The following TCAIM variants were observed in gnomAD, a reference collection of about 807,000 sequenced individuals.
The protein encoded by TCAIM is T cell activation inhibitor, mitochondrial.
TCAIM carries 36 observed loss-of-function variants against 58.6 expected under a neutral mutation model. That is an observed-to-expected ratio of 0.61 (90% CI 0.47 to 0.81). TCAIM has a LOEUF of 0.81. Among genes scored for constraint, TCAIM ranks in the 30% least tolerant of loss-of-function variants. The pLI is 0.00. For missense variants in TCAIM, 466 were observed against 579.6 expected (o/e 0.80, Z 2.01); for synonymous variants, 172 against 193.6 (o/e 0.89, Z 0.93).
chr3:44,390,066 CTTATA>C (rs1428198769), intron 5 of TCAIM, among the ~76,000 whole-genome samples: 4 of 152,230 alleles, frequency 2.6e-5, no homozygotes, highest in African/African-American at 9.6e-5. Context: ...CATAATAGTT[CTTATA>C]TTATATTCTA....
intron 5 of TCAIM, 67 bp from the exon 6 acceptor site, chr3:44,392,784 ATGTG>A (rs1256973451): frequency 1.4e-6 from 2 of 1,418,968 alleles, no homozygotes; most frequent in African/African-American, 2.9e-5. Flanking sequence ...AAGTGCATGC[ATGTG>A]TCTTTTAATA....
At chr3:44,373,997 T>A (rs1024648135) in intron 5 of TCAIM, among the ~76,000 whole-genome samples, 1 of 152,200 alleles carries the variant, frequency 6.6e-6, no homozygotes, top group Non-Finnish European at 1.5e-5. Context: ...TACCAGTGAA[T>A]GTCAGAGTTC....
intron 5 of TCAIM, among the ~76,000 whole-genome samples, chr3:44,378,394 CA>C (rs34043295): frequency 4.1e-5 from 6 of 147,510 alleles, no homozygotes; most frequent in East Asian, 2.0e-4. Flanking sequence ...CCTACCCCCC[CA>C]AAAAAAAAAT....
chr3:44,402,502 T>C (rs1471018641), intron 10 of TCAIM, among the ~76,000 whole-genome samples: 3 of 152,324 alleles, frequency 2.0e-5, no homozygotes, highest in South Asian at 4.1e-4. Flanking sequence ...AACAGTTTCC[T>C]GTTTTGTAGG....
chr3:44,339,436 G>A (rs540372112), intron 1 of TCAIM, among the ~76,000 whole-genome samples: 11 of 152,298 alleles, frequency 7.2e-5, no homozygotes, highest in African/African-American at 2.6e-4. Context: ...TTAGTTGAAA[G>A]TAAGCAAAAC....
intron 3 of TCAIM, among the ~76,000 whole-genome samples, chr3:44,361,048 C>T (rs1389550285): frequency 6.6e-6 from 1 of 152,190 alleles, no homozygotes; most frequent in East Asian, 1.9e-4. Flanking sequence ...ATAAATTAAA[C>T]AAACAATCAT....
rs893746174 is a variant in TCAIM at position 44,409,036 on chromosome 3, G to A, written c.*1354G>A. On this transcript the variant is annotated 3_prime_UTR_variant, in exon 11 of 11. Coordinates refer to ENST00000342649, the MANE Select transcript of TCAIM (RefSeq NM_173826.4). ...TGGGCTCTTGCTACTGAATGAATCA[G>A]AAAGGAATTTTTTCTGAAGAGCATT... 1.3e-5 allele frequency: 2 copies of A among 149,490 alleles called. No individual in the cohort carries two copies. Among genetic ancestry groups the A allele is most frequent in the African/African-American group, 5.1e-5 (2 of 38,856 alleles). The allele number at this position is 149,490 out of a possible 1,614,324, so 9.3% of individuals were successfully genotyped here. A position where few individuals can be genotyped will look rare whatever the true frequency, so the allele number is the denominator to read the frequency against.
chr3:44,386,484 T>G (rs1701744735), intron 5 of TCAIM, among the ~76,000 whole-genome samples: 1 of 152,200 alleles, frequency 6.6e-6, no homozygotes, highest in African/African-American at 2.4e-5. Context: ...GGGAGCCCCA[T>G]GCTCCCTGGT....
chr3:44,384,312 G>A (rs958107098), intron 5 of TCAIM, among the ~76,000 whole-genome samples: 2 of 152,200 alleles, frequency 1.3e-5, no homozygotes, highest in Non-Finnish European at 2.9e-5. Context: ...GTTAGACAAG[G>A]TAACCGTGTG....
chr3:44,350,592 C>G (rs1701067851), intron 1 of TCAIM, among the ~76,000 whole-genome samples: 1 of 152,050 alleles, frequency 6.6e-6, no homozygotes. Context: ...CACTACCCAG[C>G]TACTTTTTTG....
chr3:44,386,691 T>A (rs992963349), intron 5 of TCAIM, among the ~76,000 whole-genome samples: 1 of 152,226 alleles, frequency 6.6e-6, no homozygotes, highest in Non-Finnish European at 1.5e-5. Context: ...AGTGTGGCGC[T>A]GACACACCAG....
chr3:44,355,826 C>T (rs1260375771), intron 2 of TCAIM, among the ~76,000 whole-genome samples: 1 of 152,180 alleles, frequency 6.6e-6, no homozygotes, highest in Non-Finnish European at 1.5e-5. Flanking sequence ...AATAATGACT[C>T]ATACTCCTTT....
intron 5 of TCAIM, among the ~76,000 whole-genome samples, chr3:44,381,060 A>C (rs373842089): frequency 1.3e-5 from 2 of 152,246 alleles, no homozygotes; most frequent in East Asian, 3.9e-4. Context: ...TAACAGCAAT[A>C]CTTCTCAAAC....
intron 3 of TCAIM, chr3:44,358,472 A>G (rs566475349): frequency 1.8e-6 from 1 of 545,778 alleles, no homozygotes; most frequent in African/African-American, 2.0e-5. Context: ...AAAAAAATAC[A>G]TCTGTACTAC....
chr3:44,401,022 G>A lies in TCAIM; in HGVS notation c.1119-181G>A, dbSNP rs1383499875. The A allele has an allele frequency of 1.8e-5, 15 of 844,786 alleles. No homozygotes were observed. In the East Asian group the frequency reaches 1.8e-4, roughly 10 times the overall value. 52.3% of individuals were successfully genotyped at this position (844,786 alleles called of 1,614,324 possible). A position where few individuals can be genotyped will look rare whatever the true frequency, so the allele number is the denominator to read the frequency against. On this transcript the variant is annotated intron_variant, in intron 9 of 10. Coordinates refer to ENST00000342649, the MANE Select transcript of TCAIM (RefSeq NM_173826.4). Reference sequence around the variant, plus strand: ...AGGTCAGAGGGCTTGCAAGTAGGTCGTGATCTTCTGAAGAAGTGTGTCTTT... The same window carrying A: ...AGGTCAGAGGGCTTGCAAGTAGGTCATGATCTTCTGAAGAAGTGTGTCTTT...
rs1399872211 is a variant in TCAIM at position 44,408,258 on chromosome 3, C to CA, written c.*577dup. On this transcript the variant is annotated 3_prime_UTR_variant, in exon 11 of 11. Transcript: ENST00000342649. ...AGTATAGCTCTGAAATAATGGAACTCATGTCTACAATTCAACATGCATCTG... is the reference window on the plus strand; with the variant it reads ...AGTATAGCTCTGAAATAATGGAACTCAATGTCTACAATTCAACATGCATCTG... 6.6e-6 allele frequency: 1 copy of CA among 152,182 alleles called. No individual in the cohort carries two copies. Among genetic ancestry groups the CA allele is most frequent in the African/African-American group, 2.4e-5 (1 of 41,434 alleles). 9.4% of individuals were successfully genotyped at this position (152,182 alleles called of 1,614,324 possible).
intron 2 of TCAIM, among the ~76,000 whole-genome samples, chr3:44,355,952 C>G (rs890938436): frequency 4.6e-5 from 7 of 152,314 alleles, no homozygotes; most frequent in Admixed American, 6.5e-5. Flanking sequence ...TTTACTTAGA[C>G]TAGCTCATAT....
At chr3:44,404,032 C>G (rs1003844374) in intron 10 of TCAIM, among the ~76,000 whole-genome samples, 1 of 152,188 alleles carries the variant, frequency 6.6e-6, no homozygotes, top group African/African-American at 2.4e-5. Flanking sequence ...CTGGGACTCT[C>G]CTCTCACTCG....
chr3:44,345,602 G>A (rs1700950436), intron 1 of TCAIM, among the ~76,000 whole-genome samples: 2 of 152,104 alleles, frequency 1.3e-5, no homozygotes, highest in African/African-American at 4.8e-5. Context: ...GCCAGCAATT[G>A]TTTGTTAAAG....
Sources: allele counts gnomAD v4.1 joint callset (sites outside exome capture counted in the v4.1 genomes callset), GRCh38; gene constraint gnomAD v4.1.1; transcripts MANE v1.5; gene names NCBI Gene and HGNC (gene_info 2026-07-23, HGNC 2026-07-21).